Variants in BMPR1B observed in about 807,000 individuals in gnomAD.
The protein encoded by BMPR1B is bone morphogenetic protein receptor type 1B, also known as bone morphogenetic protein receptor type-1B.
Under a neutral mutation model 59.1 loss-of-function variants are expected in BMPR1B, and 12 were observed. The ratio of observed to expected loss-of-function variants is 0.20; its 90% CI spans 0.13 to 0.33. The LOEUF (loss-of-function observed/expected upper bound fraction) is 0.33. BMPR1B is among the 10% of genes least tolerant of loss of function. BMPR1B has a pLI of 1.00. For missense variants in BMPR1B, 550 were observed against 610.9 expected, an observed-to-expected ratio of 0.90 and a Z score of 1.05; for synonymous variants, 237 against 207.3, an observed-to-expected ratio of 1.14 and a Z score of -1.23.
chr4:94,841,618 G>A (rs1222206348), intron 1 of BMPR1B, among the ~76,000 whole-genome samples: 3 of 152,060 alleles, frequency 2.0e-5, no homozygotes, highest in Non-Finnish European at 4.4e-5. Context: ...ACCCTGCTTC[G>A]GCTCGCACAC....
chr4:94,868,629 A>G (rs1056761068), intron 1 of BMPR1B, among the ~76,000 whole-genome samples: 32 of 152,216 alleles, frequency 2.1e-4, no homozygotes, highest in African/African-American at 7.2e-4. Flanking sequence ...AGGTTTGGAC[A>G]GTTGGATCTG....
At chr4:94,948,678 CTGTT>C (rs1003062598) in intron 2 of BMPR1B, among the ~76,000 whole-genome samples, 3 of 152,166 alleles carry the variant, frequency 2.0e-5, no homozygotes, top group African/African-American at 4.8e-5. Context: ...ACTTCGATAA[CTGTT>C]TGGGCTGAAA....
At chr4:94,901,137 G>A (rs146574930) in intron 2 of BMPR1B, among the ~76,000 whole-genome samples, 2 of 152,038 alleles carry the variant, frequency 1.3e-5, no homozygotes, top group Admixed American at 1.3e-4. Context: ...TCTGCTTCCT[G>A]GGTACATTGG....
At chr4:95,026,931 T>TA (rs1491036322) in intron 3 of BMPR1B, among the ~76,000 whole-genome samples, 10 of 150,876 alleles carry the variant, frequency 6.6e-5, no homozygotes, top group Admixed American at 2.0e-4. Context: ...GCTAATTTTT[T>TA]AAAAAAAAAC....
At chr4:94,817,414 ATAG>A (rs1263175321) in intron 1 of BMPR1B, among the ~76,000 whole-genome samples, 1 of 152,172 alleles carries the variant, frequency 6.6e-6, no homozygotes. Flanking sequence ...TATCAGTTTT[ATAG>A]TTTCAGAAAT....
chr4:94,818,842 CTCT>C (rs1724103197), intron 1 of BMPR1B, among the ~76,000 whole-genome samples: 1 of 152,052 alleles, frequency 6.6e-6, no homozygotes, highest in African/African-American at 2.4e-5. Flanking sequence ...GTTTAATTTT[CTCT>C]TATAGGCTAG....
At chr4:94,804,304 A>G (rs1324551124) in intron 1 of BMPR1B, among the ~76,000 whole-genome samples, 1 of 152,222 alleles carries the variant, frequency 6.6e-6, no homozygotes, top group Non-Finnish European at 1.5e-5. Context: ...GTTTAAAATT[A>G]TTCATTTTAA....
intron 8 of BMPR1B, among the ~76,000 whole-genome samples, chr4:95,127,301 C>G (rs1732977779): frequency 6.6e-6 from 1 of 151,882 alleles, no homozygotes; most frequent in South Asian, 2.1e-4. Context: ...TTTGCTAAAT[C>G]AAATAAAAAC....
At chr4:94,939,446 C>T (rs2149042436) in intron 2 of BMPR1B, among the ~76,000 whole-genome samples, 1 of 152,234 alleles carries the variant, frequency 6.6e-6, no homozygotes, top group South Asian at 2.1e-4. Flanking sequence ...AATTTAAAGA[C>T]TGTAACTTGA....
At chr4:94,942,646 A>C (rs763838221) in intron 2 of BMPR1B, among the ~76,000 whole-genome samples, 1 of 152,242 alleles carries the variant, frequency 6.6e-6, no homozygotes, top group Non-Finnish European at 1.5e-5. Flanking sequence ...AACAGATACT[A>C]TGTTAAAATG....
intron 3 of BMPR1B, among the ~76,000 whole-genome samples, chr4:95,002,588 T>C (rs949682403): frequency 6.6e-6 from 1 of 152,216 alleles, no homozygotes; most frequent in Non-Finnish European, 1.5e-5. Flanking sequence ...TTTACATTCC[T>C]ACTAACAGTG....
intron 3 of BMPR1B, among the ~76,000 whole-genome samples, chr4:95,003,661 A>G (rs534540957): frequency 1.3e-4 from 20 of 152,276 alleles, no homozygotes; most frequent in African/African-American, 4.1e-4. Flanking sequence ...TCCTTCTAAT[A>G]GACCATTGGA....
At chr4:95,098,033 ATG>A (rs1326272106) in intron 3 of BMPR1B, among the ~76,000 whole-genome samples, 3 of 152,168 alleles carry the variant, frequency 2.0e-5, no homozygotes, top group Non-Finnish European at 4.4e-5. Flanking sequence ...AGTCAACTAA[ATG>A]TATCTTTTAT....
intron 1 of BMPR1B, among the ~76,000 whole-genome samples, chr4:94,857,408 C>T (rs1725802117): frequency 6.6e-6 from 1 of 152,036 alleles, no homozygotes; most frequent in South Asian, 2.1e-4. Context: ...TAGTTACACA[C>T]ATATAGTAAG....
chr4:95,066,711 G>C (rs943389506), intron 3 of BMPR1B, among the ~76,000 whole-genome samples: 2 of 152,126 alleles, frequency 1.3e-5, no homozygotes, highest in Non-Finnish European at 2.9e-5. Context: ...ATGGGAACCT[G>C]GTATAAAAGC....
At chr4:95,096,749 ATATAGTTATATATAACTATG>A (rs869184678) in intron 3 of BMPR1B, among the ~76,000 whole-genome samples, 2 of 18,132 alleles carry the variant, frequency 1.1e-4, no homozygotes, top group Admixed American at 5.9e-4. Flanking sequence ...ATATAACTAT[ATATAGTTATATATAACTATG>A]TATAGTTATA....
At chr4:94,926,964 T>C (rs1049625159) in intron 2 of BMPR1B, among the ~76,000 whole-genome samples, 7 of 152,164 alleles carry the variant, frequency 4.6e-5, no homozygotes, top group African/African-American at 1.7e-4. Context: ...TAAAAAGATA[T>C]TTCCTTTCTC....
intron 2 of BMPR1B, among the ~76,000 whole-genome samples, chr4:94,944,922 G>T (rs17022671): frequency 3.3e-5 from 5 of 152,006 alleles, no homozygotes; most frequent in African/African-American, 4.8e-5. Flanking sequence ...AACAGCAGCT[G>T]TGCACTTTTG....
intron 1 of BMPR1B, among the ~76,000 whole-genome samples, chr4:94,862,109 A>G (rs995096788): frequency 6.6e-6 from 1 of 151,992 alleles, no homozygotes; most frequent in African/African-American, 2.4e-5. Context: ...TTTAAAAAAA[A>G]AAAAGACACA....
Sources: allele counts gnomAD v4.1 joint callset (sites outside exome capture counted in the v4.1 genomes callset), GRCh38; gene constraint gnomAD v4.1.1; transcripts MANE v1.5; gene names NCBI Gene and HGNC (gene_info 2026-07-23, HGNC 2026-07-21).